Variants in SKAP1 observed in about 807,000 individuals in gnomAD.
SKAP1 encodes the protein src kinase-associated phosphoprotein 1.
A neutral mutation model predicts 58.5 loss-of-function variants in SKAP1; 44 were observed. The ratio of observed to expected loss-of-function variants is 0.75; its 90% CI spans 0.59 to 0.97. SKAP1 has a LOEUF of 0.97. SKAP1 is among the 50% of genes least tolerant of loss of function. The pLI is 0.00. For synonymous variants in SKAP1, 127 were observed against 149.7 expected (o/e 0.85, Z 1.11); for missense variants, 390 against 435.2 (o/e 0.90, Z 0.92).
Position 48,323,353 on chromosome 17 carries a change from A to G in SKAP1, c.280+22552T>C, listed in dbSNP as rs530808087. On this transcript the variant is annotated intron_variant, in intron 4 of 12. Transcript: ENST00000336915. The stretch of plus-strand genomic sequence containing the variant: ...TGTATTTTTAGTACTGGGAAAATAT[A>G]CAAGAAATTTTATTCACAGAGTCCA... 3.9e-4 allele frequency among the ~76,000 whole-genome samples: 60 copies of G among 152,216 alleles called. 1 individual carries two copies. The highest frequency in any genetic ancestry group is 3.3e-3 in the Admixed American group (51 of 15,280).
the SKAP1 span, among the ~76,000 whole-genome samples, chr17:48,440,131 C>A: frequency 6.6e-6 from 1 of 152,178 alleles, no homozygotes; most frequent in Admixed American, 6.5e-5. Flanking sequence ...ACAGAAAACA[C>A]CCTGGCAGCC....
intron 3 of SKAP1, among the ~76,000 whole-genome samples, chr17:48,363,057 T>C (rs954580820): frequency 2.0e-5 from 3 of 152,168 alleles, no homozygotes; most frequent in African/African-American, 7.2e-5. Context: ...GGAAGGCAAA[T>C]ACTTTAAAAG....
At chr17:48,226,087 G>T (rs1287290556) in intron 4 of SKAP1, among the ~76,000 whole-genome samples, 1 of 152,240 alleles carries the variant, frequency 6.6e-6, no homozygotes, top group South Asian at 2.1e-4. Context: ...CAACCTAATG[G>T]CTAGGCTTAT....
intron 2 of SKAP1, among the ~76,000 whole-genome samples, chr17:48,376,991 G>T (rs1207305901): frequency 6.6e-6 from 1 of 152,084 alleles, no homozygotes; most frequent in East Asian, 1.9e-4. Context: ...AGGCAGAGGG[G>T]CCAGGTCCAG....
At chr17:48,433,623 T>A (rs2067928873), upstream of SKAP1, among the ~76,000 whole-genome samples, 1 of 151,656 alleles carries the variant, frequency 6.6e-6, no homozygotes, top group Non-Finnish European at 1.5e-5. Context: ...AGATAAGAGG[T>A]CCTTTGGAGC....
At chr17:48,370,988 T>G (rs2067077078) in intron 2 of SKAP1, among the ~76,000 whole-genome samples, 1 of 152,198 alleles carries the variant, frequency 6.6e-6, no homozygotes, top group African/African-American at 2.4e-5. Flanking sequence ...ACAAGATGGA[T>G]GCAGCTGGAG....
intron 4 of SKAP1, among the ~76,000 whole-genome samples, chr17:48,277,233 T>G (rs931596507): frequency 2.6e-5 from 4 of 152,168 alleles, no homozygotes; most frequent in Admixed American, 1.3e-4. Context: ...TAAAAGAAAG[T>G]GTTATTTATA....
chr17:48,237,564 T>C (rs919143758), intron 4 of SKAP1, among the ~76,000 whole-genome samples: 2 of 152,214 alleles, frequency 1.3e-5, no homozygotes, highest in African/African-American at 2.4e-5. Context: ...GCAGTAAAAT[T>C]ACAAAATTTG....
Position 48,406,125 on chromosome 17 carries a change from C to T in SKAP1, c.47-9340G>A, listed in dbSNP as rs144495542. 5.3e-3 allele frequency among the ~76,000 whole-genome samples: 804 copies of T among 150,666 alleles called. 3 individuals carry two copies. The highest frequency in any genetic ancestry group is 8.7e-3 in the Non-Finnish European group (586 of 67,564). The stretch of plus-strand genomic sequence containing the variant: ...ACTAAAAATACAAAAATTAGTCGGG[C>T]GTGGTGGCACACATCTGTAGTCCCA... On this transcript the variant is annotated intron_variant, in intron 1 of 12. Transcript: ENST00000336915.
intron 11 of SKAP1, among the ~76,000 whole-genome samples, chr17:48,153,419 G>A (rs1162231273): frequency 6.6e-6 from 1 of 152,066 alleles, no homozygotes. Flanking sequence ...GAATTTGACC[G>A]GTATATGACC....
chr17:48,300,993 A>G (rs1453308900), intron 4 of SKAP1, among the ~76,000 whole-genome samples: 1 of 152,058 alleles, frequency 6.6e-6, no homozygotes, highest in Non-Finnish European at 1.5e-5. Context: ...ACCCATTTCT[A>G]CCTTTCCAGG....
At chr17:48,429,492 C>G (rs1483192860) in intron 1 of SKAP1, among the ~76,000 whole-genome samples, 1 of 152,204 alleles carries the variant, frequency 6.6e-6, no homozygotes, top group East Asian at 1.9e-4. Flanking sequence ...AAATCCCATA[C>G]TGAGAATGAG....
intron 4 of SKAP1, among the ~76,000 whole-genome samples, chr17:48,325,130 T>G (rs1202650677): frequency 2.0e-5 from 3 of 151,508 alleles, no homozygotes. Context: ...GCGCCTGTAG[T>G]CCCAGCTACT....
At chr17:48,224,017 A>G (rs1256997157) in intron 4 of SKAP1, among the ~76,000 whole-genome samples, 3 of 119,372 alleles carry the variant, frequency 2.5e-5, no homozygotes, top group Non-Finnish European at 3.5e-5. Context: ...AGACAGAGAG[A>G]GAGAGAGAGA....
chr17:48,332,440 A>G (rs1392880721), intron 4 of SKAP1, among the ~76,000 whole-genome samples: 1 of 152,182 alleles, frequency 6.6e-6, no homozygotes, highest in Non-Finnish European at 1.5e-5. Context: ...AGACGATAAC[A>G]TAAAATATCT....
At chr17:48,291,973 A>T (rs1395306169) in intron 4 of SKAP1, among the ~76,000 whole-genome samples, 1 of 152,144 alleles carries the variant, frequency 6.6e-6, no homozygotes, top group Non-Finnish European at 1.5e-5. Context: ...AGCTTTGGAG[A>T]TCCACTTCAT....
chr17:48,326,889 C>CTTTTTTTT (rs35868072), intron 4 of SKAP1, among the ~76,000 whole-genome samples: 110 of 121,406 alleles, frequency 9.1e-4, no homozygotes, highest in Non-Finnish European at 1.2e-3. Flanking sequence ...TTCTTTCTTT[C>CTTTTTTTT]TTTTTTTTTT....
At position 48,405,616 on chromosome 17, in the gene SKAP1, T is replaced by A. The variant is rs2067571880; in HGVS notation, c.47-8831A>T. 2.0e-5 allele frequency among the ~76,000 whole-genome samples: 3 copies of A among 151,282 alleles called. No homozygotes were observed. In the South Asian group the frequency reaches 6.3e-4, roughly 32 times the overall value. ...CTCCTGGGTTCAAGTGATTCCCCTA[T>A]CAGCCTCCTGAGTAGCTGGGATTAC... is the stretch of plus-strand genomic sequence containing the variant. On this transcript the variant is annotated intron_variant, in intron 1 of 12. Coordinates refer to ENST00000336915, the MANE Select transcript of SKAP1 (RefSeq NM_003726.4).
At chr17:48,171,052 C>T (rs1285856125) in intron 9 of SKAP1, among the ~76,000 whole-genome samples, 1 of 147,982 alleles carries the variant, frequency 6.8e-6, no homozygotes, top group Non-Finnish European at 1.5e-5. Context: ...TTTCTCTGAG[C>T]TCATCATACT....
Sources: allele counts gnomAD v4.1 joint callset (sites outside exome capture counted in the v4.1 genomes callset), GRCh38; gene constraint gnomAD v4.1.1; transcripts MANE v1.5; gene names NCBI Gene and HGNC (gene_info 2026-07-23, HGNC 2026-07-21).